The following SLC4A7 variants were observed in gnomAD, a reference collection of about 807,000 sequenced individuals.
SLC4A7 encodes the protein sodium bicarbonate cotransporter 3.
SLC4A7 carries 51 observed loss-of-function variants against 137.6 expected under a neutral mutation model. The observed-to-expected ratio is 0.37, with a 90% CI of 0.30 to 0.47. SLC4A7 has a LOEUF of 0.47. Among genes scored for constraint, SLC4A7 ranks in the 20% least tolerant of loss-of-function variants. SLC4A7 has a pLI of 1.00. For synonymous variants in SLC4A7, 542 were observed against 518.6 expected (o/e 1.05, Z -0.61); for missense variants, 1,247 against 1,525.4 (o/e 0.82, Z 3.04).
intron 21 of SLC4A7, among the ~76,000 whole-genome samples, chr3:27,390,808 G>GT (rs893251690): frequency 3.8e-4 from 57 of 151,680 alleles, no homozygotes; most frequent in Admixed American, 2.1e-3. Context: ...CTTTATGATC[G>GT]TTTTTTTTGT....
intron 7 of SLC4A7, chr3:27,424,410 A>C (rs2055330524): frequency 3.5e-6 from 1 of 285,962 alleles, no homozygotes; most frequent in Non-Finnish European, 6.4e-6. Flanking sequence ...AAAAGAAATA[A>C]AACGTGAGTT....
Position 27,456,627 on chromosome 3 carries a change from A to T in SLC4A7, c.61-4129T>A, listed in dbSNP as rs757923440. 22 of 1,455,630 alleles carry T rather than the reference A, an allele frequency of 1.5e-5. No individual in the cohort carries two copies. In the East Asian group the frequency reaches 4.5e-4, roughly 30 times the overall value. The allele number at this position is 1,455,630 out of a possible 1,614,324, so 90.2% of individuals were successfully genotyped here. ...ATTCAAATTCGTTTGTAAATAAAAG[A>T]CAAGATCATAATTAGGTACATACAG... On this transcript the variant is annotated intron_variant, in intron 1 of 25. Transcript: ENST00000454389.
At chr3:27,393,788 A>G (rs1001705168) in intron 20 of SLC4A7, among the ~76,000 whole-genome samples, 1 of 152,202 alleles carries the variant, frequency 6.6e-6, no homozygotes, top group African/African-American at 2.4e-5. Context: ...GTAAATGTTA[A>G]TAACGACTTT....
chr3:27,405,392 G>A (rs900947264), intron 13 of SLC4A7, among the ~76,000 whole-genome samples: 6 of 152,086 alleles, frequency 3.9e-5, no homozygotes, highest in African/African-American at 1.2e-4. Flanking sequence ...TTTCAGATAA[G>A]GGATACTCAA....
chr3:27,383,072 T>C (rs555648927), intron 24 of SLC4A7, 81 bp downstream of exon 24: 4 of 817,502 alleles, frequency 4.9e-6, no homozygotes, highest in South Asian at 4.6e-5. Flanking sequence ...ATAGAAATCA[T>C]CACTTTAAAG....
In SLC4A7 at chr3:27,409,478, T is replaced by C. The variant is rs756724253; in HGVS notation, c.1819A>G (p.Ser607Gly). Residue 607 changes from serine (S) to glycine (G), a missense_variant, in exon 13 of 26, where the codon AGT becomes GGT. Coordinates refer to ENST00000454389, the MANE Select transcript of SLC4A7 (RefSeq NM_001321103.2). ...AGGCTTAATGCATCCTTGAAGTCACTCAAGAAAAAAGGTGCTTTCCTTTTG... is the reference window on the plus strand; with the variant it reads ...AGGCTTAATGCATCCTTGAAGTCACCCAAGAAAAAAGGTGCTTTCCTTTTG... ...DIKRKAPFFLSDFKDALSLQC... is the reference protein window; with the variant it reads ...DIKRKAPFFLGDFKDALSLQC... 1.2e-6 allele frequency: 2 copies of C among 1,613,200 alleles called. No individual in the cohort carries two copies. The highest frequency in any genetic ancestry group is 2.2e-5 in the South Asian group (2 of 90,984).
chr3:27,418,304 A>T (rs1175049932), intron 11 of SLC4A7, among the ~76,000 whole-genome samples, 182 bp downstream of exon 11: 2 of 152,232 alleles, frequency 1.3e-5, no homozygotes, highest in African/African-American at 2.4e-5. Flanking sequence ...ATGAAAAATG[A>T]AAAGGATAAA....
chr3:27,455,805 G>A (rs781500149), intron 1 of SLC4A7, among the ~76,000 whole-genome samples: 3 of 151,700 alleles, frequency 2.0e-5, no homozygotes, highest in Non-Finnish European at 4.4e-5. Context: ...TGCAGTGAGC[G>A]CATAGAGCGC....
intron 1 of SLC4A7, among the ~76,000 whole-genome samples, chr3:27,457,778 C>CA (rs1311522138): frequency 6.6e-5 from 10 of 152,074 alleles, no homozygotes; most frequent in African/African-American, 2.4e-4. Flanking sequence ...TTAATAATAT[C>CA]ACCAACAATC....
At chr3:27,418,677 A>C (rs1356099468) in intron 10 of SLC4A7, 45 bp from the exon 11 acceptor site, 1 of 1,231,786 alleles carries the variant, frequency 8.1e-7, no homozygotes, top group Non-Finnish European at 1.2e-6. Context: ...AGTTGAAAAA[A>C]ATTTCTACAC....
At chr3:27,436,857 A>C (rs1159405037) in intron 4 of SLC4A7, among the ~76,000 whole-genome samples, 1 of 152,162 alleles carries the variant, frequency 6.6e-6, no homozygotes. Context: ...AGACATTAAA[A>C]TCTATAATGA....
intron 5 of SLC4A7, 150 bp from the exon 6 acceptor site, chr3:27,434,254 C>T: frequency 1.9e-6 from 1 of 536,666 alleles, no homozygotes; most frequent in Non-Finnish European, 3.2e-6. Flanking sequence ...CAGAAATGAA[C>T]ATTATCCAAC....
chr3:27,483,275 A>T (rs2059791943), intron 1 of SLC4A7, among the ~76,000 whole-genome samples: 4 of 152,244 alleles, frequency 2.6e-5, no homozygotes, highest in African/African-American at 9.6e-5. Flanking sequence ...CACCGGCCTT[A>T]AGTCCATCCC....
intron 15 of SLC4A7, among the ~76,000 whole-genome samples, chr3:27,401,228 C>T (rs1296062996): frequency 6.6e-6 from 1 of 152,174 alleles, no homozygotes; most frequent in Non-Finnish European, 1.5e-5. Flanking sequence ...TCCCTCCACT[C>T]CCCCATAGCA....
At chr3:27,378,003 T>C (rs1175139935) in intron 25 of SLC4A7, among the ~76,000 whole-genome samples, 1 of 152,210 alleles carries the variant, frequency 6.6e-6, no homozygotes. Flanking sequence ...TTTTTTATGA[T>C]AATTATACTA....
At chr3:27,431,243 G>C in intron 7 of SLC4A7, 55 bp downstream of exon 7, 1 of 1,512,528 alleles carries the variant, frequency 6.6e-7, no homozygotes, top group East Asian at 2.3e-5. Context: ...GGCATTCCAA[G>C]TGCAAGTGAC....
chr3:27,387,323 A>G (rs190287954), intron 22 of SLC4A7, among the ~76,000 whole-genome samples: 8 of 152,344 alleles, frequency 5.3e-5, no homozygotes, highest in Admixed American at 3.3e-4. Context: ...GCATGTGTAC[A>G]GTTTGATACT....
chr3:27,377,978 A>G (rs946156533), intron 25 of SLC4A7, among the ~76,000 whole-genome samples: 2 of 152,244 alleles, frequency 1.3e-5, no homozygotes, highest in African/African-American at 2.4e-5. Context: ...GTTAGTTATT[A>G]TTGTAAGGCC....
At chr3:27,478,768 A>T (rs2059580330) in intron 1 of SLC4A7, among the ~76,000 whole-genome samples, 1 of 147,342 alleles carries the variant, frequency 6.8e-6, no homozygotes. Flanking sequence ...CAGGTGGATC[A>T]TTTGAGGTCA....
Sources: allele counts gnomAD v4.1 joint callset (sites outside exome capture counted in the v4.1 genomes callset), GRCh38; gene constraint gnomAD v4.1.1; transcripts MANE v1.5; gene names NCBI Gene and HGNC (gene_info 2026-07-23, HGNC 2026-07-21).